Variants in TMEM43 observed in about 807,000 individuals in gnomAD.
TMEM43 encodes transmembrane protein 43.
TMEM43 carries 45 observed loss-of-function variants against 49.6 expected under a neutral mutation model. The observed-to-expected ratio is 0.91, with a 90% CI of 0.71 to 1.16. The LOEUF is 1.16. Among genes scored for constraint, TMEM43 ranks in the 50% most tolerant of loss-of-function variants. TMEM43 has a pLI of 0.00. For missense variants in TMEM43, 532 were observed against 516.6 expected, an observed-to-expected ratio of 1.03 and a Z score of -0.29; for synonymous variants, 199 against 207.8, an observed-to-expected ratio of 0.96 and a Z score of 0.36.
At chr3:14,132,626 C>T (rs1695112529) in intron 5 of TMEM43, 31 bp downstream of exon 5, 17 of 1,612,238 alleles carry the variant, frequency 1.1e-5, no homozygotes, top group Non-Finnish European at 1.4e-5. Flanking sequence ...GTGGTCTCTG[C>T]CCATGGTGGG....
Position 14,125,093 on chromosome 3 carries a change from G to A in TMEM43, c.-101G>A, listed in dbSNP as rs1195413455. On this transcript the variant is annotated 5_prime_UTR_variant, in exon 1 of 12. Coordinates refer to ENST00000306077, the MANE Select transcript of TMEM43 (RefSeq NM_024334.3). Reference sequence around the variant, plus strand: ...GGCCCTGGAGTCCACGCGGATTTTCGAAGCTGGGGCTGGCAAGAGGCCGCT... The same window carrying A: ...GGCCCTGGAGTCCACGCGGATTTTCAAAGCTGGGGCTGGCAAGAGGCCGCT... The A allele has an allele frequency of 4.0e-6, 6 of 1,515,260 alleles. No homozygotes were observed. Among genetic ancestry groups the A allele is most frequent in the Non-Finnish European group, 5.4e-6 (6 of 1,110,536 alleles). 93.9% of individuals were successfully genotyped at this position (1,515,260 alleles called of 1,614,324 possible).
intron 1 of TMEM43, among the ~76,000 whole-genome samples, chr3:14,126,013 GC>G (rs1695016173): frequency 6.6e-6 from 1 of 152,126 alleles, no homozygotes; most frequent in Non-Finnish European, 1.5e-5. Flanking sequence ...AGCCCAGCCA[GC>G]CCCAGACACA....
rs370973153 is a variant in TMEM43, at chr3:14,129,448, G to A, written c.49G>A (p.Val17Ile). 1.9e-6 allele frequency: 3 copies of A among 1,613,414 alleles called. No individual in the cohort carries two copies. Among genetic ancestry groups the A allele is most frequent in the East Asian group, 2.2e-5 (1 of 44,824 alleles). Reference protein sequence around the residue: ...STSTRREHVKVKTSSQPGFLE... With the variant: ...STSTRREHVKIKTSSQPGFLE... ...CAGTACCCGGAGAGAACATGTCAAA[G>A]TTAAAACCAGCTCCCAGCCAGGCTT... The change falls in exon 2 of 12, where the codon GTT (valine) becomes ATT (isoleucine). Residue 17 changes from valine to isoleucine, a missense_variant. Transcript: ENST00000306077.
intron 2 of TMEM43, among the ~76,000 whole-genome samples, chr3:14,130,120 C>T (rs1695074097): frequency 6.9e-6 from 1 of 144,038 alleles, no homozygotes; most frequent in Non-Finnish European, 1.5e-5. Flanking sequence ...CTCTCTCTTT[C>T]TTTTTCTCCT....
intron 10 of TMEM43, chr3:14,137,864 C>T (rs1695190485): frequency 6.6e-6 from 1 of 152,246 alleles, no homozygotes; most frequent in Non-Finnish European, 1.5e-5. Context: ...CACAGACATG[C>T]TCCCTGCTCT....
chr3:14,133,033 G>A (rs868824693), intron 6 of TMEM43, 98 bp downstream of exon 6: 3 of 1,077,026 alleles, frequency 2.8e-6, no homozygotes, highest in Non-Finnish European at 2.8e-6. Context: ...AGTTAATCCT[G>A]CCTCGTGGGT....
intron 9 of TMEM43, 74 bp from the exon 10 acceptor site, chr3:14,135,732 AG>A: frequency 7.7e-7 from 1 of 1,294,892 alleles, no homozygotes; most frequent in East Asian, 2.3e-5. Flanking sequence ...CAGTCCCGGG[AG>A]GGTGGGCCAT....
Position 14,129,459 on chromosome 3 carries a change from CT to C in TMEM43, c.61del (p.Ser21ProfsTer9). The C allele has an allele frequency of 6.2e-7, 1 of 1,614,066 alleles. No homozygotes were observed. The highest frequency in any genetic ancestry group is 1.1e-5 in the South Asian group (1 of 91,084). On this transcript the variant is annotated frameshift_variant, in exon 2 of 12. Coordinates refer to ENST00000306077, the MANE Select transcript of TMEM43 (RefSeq NM_024334.3). LOFTEE classifies it high-confidence loss of function. ...RREHVKVKTS[S>X]QPGFLERLSE... Reference sequence around the variant, plus strand: ...GAGAACATGTCAAAGTTAAAACCAGCTCCCAGCCAGGCTTCCTGGAACGGCT... The same window carrying C: ...GAGAACATGTCAAAGTTAAAACCAGCCCCAGCCAGGCTTCCTGGAACGGCT...
At chr3:14,135,729 G>A (rs535122776) in intron 9 of TMEM43, 78 bp from the exon 10 acceptor site, 14 of 1,280,936 alleles carry the variant, frequency 1.1e-5, no homozygotes, top group South Asian at 2.4e-5. Context: ...ACCCAGTCCC[G>A]GGAGGGTGGG....
In TMEM43 at chr3:14,141,850, C is replaced by T. The variant is rs1184041938; in HGVS notation, c.*55C>T. ...GTGAGCCCTAGGATCCAGGTCCTCT[C>T]TCACCTCTGACCCAGCTCCATGCCA... is the stretch of plus-strand genomic sequence containing the variant. On this transcript the variant is annotated 3_prime_UTR_variant, in exon 12 of 12. Transcript: ENST00000306077. The T allele has an allele frequency of 4.5e-6, 7 of 1,545,420 alleles. No homozygotes were observed. The highest frequency in any genetic ancestry group is 6.1e-6 in the Non-Finnish European group (7 of 1,141,830).
Position 14,139,902 on chromosome 3 carries a change from C to T in TMEM43, c.1000+605C>T, listed in dbSNP as rs545524732. On this transcript the variant is annotated intron_variant, in intron 11 of 11. Coordinates refer to ENST00000306077, the MANE Select transcript of TMEM43 (RefSeq NM_024334.3). ...AGGAGACCTGTGGCCCAGCGTGGTTCGGGATCTGAGTGCCCAGGGTGACTA... is the reference window on the plus strand; with the variant it reads ...AGGAGACCTGTGGCCCAGCGTGGTTTGGGATCTGAGTGCCCAGGGTGACTA... Among the ~76,000 whole-genome samples, 12 of 152,292 alleles carry T rather than the reference C, an allele frequency of 7.9e-5. 1 individual carries two copies. In the South Asian group the frequency reaches 1.2e-3, roughly 16 times the overall value.
chr3:14,131,542 A>G (rs551109599), intron 3 of TMEM43, 38 bp from the exon 4 acceptor site: 3 of 1,574,740 alleles, frequency 1.9e-6, no homozygotes, highest in African/African-American at 1.3e-5. Context: ...CGTGAATGTT[A>G]TCCTTTATTT....
chr3:14,141,466 C>A, intron 11 of TMEM43, 127 bp from the exon 12 acceptor site: 1 of 917,480 alleles, frequency 1.1e-6, no homozygotes, highest in Non-Finnish European at 1.7e-6. Context: ...GCCTTCCACC[C>A]ACTGATCCTC....
rs1349985367 is a variant in TMEM43, at chr3:14,143,637, T to C, written c.*1842T>C. 6.6e-6 allele frequency: 1 copy of C among 152,224 alleles called. No individual in the cohort carries two copies. Among genetic ancestry groups the C allele is most frequent in the African/African-American group, 2.4e-5 (1 of 41,466 alleles). 9.4% of individuals were successfully genotyped at this position (152,224 alleles called of 1,614,324 possible). A position where few individuals can be genotyped will look rare whatever the true frequency, so the allele number is the denominator to read the frequency against. ...TTGGAAAACCAAATTTGTAATATCA[T>C]TGTATTTTTTATTAAAAGTTTTGTA... On this transcript the variant is annotated 3_prime_UTR_variant, in exon 12 of 12. Coordinates refer to ENST00000306077, the MANE Select transcript of TMEM43 (RefSeq NM_024334.3).
At chr3:14,125,337 C>T in intron 1 of TMEM43, 132 bp downstream of exon 1, 2 of 1,127,048 alleles carry the variant, frequency 1.8e-6, no homozygotes, top group Non-Finnish European at 2.6e-6. Flanking sequence ...TCCCTCTGCT[C>T]GCCGTGTCTG....
rs538251757 is a variant in TMEM43, at chr3:14,131,312, T to C, written c.298-268T>C. On this transcript the variant is annotated intron_variant, in intron 3 of 11. Coordinates refer to ENST00000306077, the MANE Select transcript of TMEM43 (RefSeq NM_024334.3). Reference sequence around the variant, plus strand: ...CCTGGGCACCAGAGCTTTCCTGTTATTTGAACACCCTGTACGCTGTTGGCA... The same window carrying C: ...CCTGGGCACCAGAGCTTTCCTGTTACTTGAACACCCTGTACGCTGTTGGCA... 1.9e-4 allele frequency among the ~76,000 whole-genome samples: 29 copies of C among 152,372 alleles called. No homozygotes were observed. In the South Asian group the frequency reaches 5.2e-3, roughly 27 times the overall value.
chr3:14,141,981 C>T lies in TMEM43; in HGVS notation c.*186C>T. The T allele has an allele frequency of 4.9e-6, 3 of 617,140 alleles. No homozygotes were observed. The highest frequency in any genetic ancestry group is 1.8e-5 in the African/African-American group (1 of 54,330). The allele number at this position is 617,140 out of a possible 1,614,324, so 38.2% of individuals were successfully genotyped here. Reference sequence around the variant, plus strand: ...TGGTGTTCACCAGCTCATGTCTTCCCCACATCTCTTCTTGCCAGTAAGCAG... The same window carrying T: ...TGGTGTTCACCAGCTCATGTCTTCCTCACATCTCTTCTTGCCAGTAAGCAG... On this transcript the variant is annotated 3_prime_UTR_variant, in exon 12 of 12. Coordinates refer to ENST00000306077, the MANE Select transcript of TMEM43 (RefSeq NM_024334.3).
At chr3:14,127,639 C>T (rs550388809) in intron 1 of TMEM43, among the ~76,000 whole-genome samples, 2 of 152,236 alleles carry the variant, frequency 1.3e-5, no homozygotes, top group South Asian at 4.2e-4. Flanking sequence ...TTTGGGCTTG[C>T]CTGTGGGCTG....
Position 14,132,205 on chromosome 3 carries a change from G to A in TMEM43, c.393-341G>A, listed in dbSNP as rs1695105302. Among the ~76,000 whole-genome samples the A allele has an allele frequency of 2.0e-5, 3 of 152,190 alleles. No individual in the cohort carries two copies. In the South Asian group the frequency reaches 6.2e-4, roughly 31 times the overall value. ...AGGTGGTGGGAGGAGCAGGAGAAGG[G>A]CAGCTTCAAGAGGCCCCCCGCAGGG... is the stretch of plus-strand genomic sequence containing the variant. On this transcript the variant is annotated intron_variant, in intron 4 of 11. Transcript: ENST00000306077.
Sources: gnomAD v4.1 joint callset for allele counts (sites outside exome capture counted in the v4.1 genomes callset) on GRCh38, gnomAD v4.1.1 for gene constraint, MANE v1.5 for transcripts, NCBI Gene and HGNC (gene_info 2026-07-23, HGNC 2026-07-21) for gene names.